Variants in PEX7 observed in about 807,000 individuals in gnomAD.
PEX7 encodes peroxisomal biogenesis factor 7, also known as PTS2 receptor.
In PEX7, 34 loss-of-function variants were observed where a neutral mutation model predicts 47.5. That is an observed-to-expected ratio of 0.72 (90% CI 0.54 to 0.95). The LOEUF is 0.95. Among genes scored for constraint, PEX7 ranks in the 40% least tolerant of loss-of-function variants. The pLI is 0.00. For missense variants in PEX7, 394 were observed against 400.3 expected (o/e 0.98, Z 0.13); for synonymous variants, 141 against 148.8 (o/e 0.95, Z 0.38).
chr6:136,866,549 CTTA>C, intron 5 of PEX7, 75 bp from the exon 6 acceptor site: 1 of 1,204,064 alleles, frequency 8.3e-7, no homozygotes, highest in Non-Finnish European at 1.2e-6. Context: ...TTTTACTTGA[CTTA>C]TTATTGTGAA....
At chr6:136,881,415 G>A (rs1027903115) in intron 8 of PEX7, among the ~76,000 whole-genome samples, 10 of 152,116 alleles carry the variant, frequency 6.6e-5, no homozygotes, top group African/African-American at 2.4e-4. Flanking sequence ...CTTGGAATTC[G>A]AACACCTTTC....
chr6:136,838,588 T>TA (rs1774437269), intron 3 of PEX7, among the ~76,000 whole-genome samples: 1 of 152,168 alleles, frequency 6.6e-6, no homozygotes, highest in Admixed American at 6.5e-5. Flanking sequence ...GAAATATGAA[T>TA]AAGGACTGAG....
At chr6:136,858,185 A>G (rs900508305) in intron 5 of PEX7, among the ~76,000 whole-genome samples, 23 of 152,172 alleles carry the variant, frequency 1.5e-4, no homozygotes, top group African/African-American at 5.6e-4. Flanking sequence ...TGGATTCCTG[A>G]GCTTGTCAGG....
At position 136,893,202 on chromosome 6, in the gene PEX7, C is replaced by CTTTTTTTTTTTTTTTTTTTTTTTTTTTTT; in HGVS notation, c.804-4933_804-4932insTTTTTTTTTTTTTTTTTTTTTTTTTTTTT. Among the ~76,000 whole-genome samples the CTTTTTTTTTTTTTTTTTTTTTTTTTTTTT allele has an allele frequency of 1.1e-3, 162 of 150,538 alleles. 2 individuals are homozygous for CTTTTTTTTTTTTTTTTTTTTTTTTTTTTT. The highest frequency in any genetic ancestry group is 3.5e-3 in the Middle Eastern group (1 of 288). ...AAAATCCTTCAGTGGCTTTTTTTTT[C>CTTTTTTTTTTTTTTTTTTTTTTTTTTTTT]TTTTTTTAAAGAGAAAATCCCAAAT... On this transcript the variant is annotated intron_variant, in intron 8 of 9. Transcript: ENST00000318471.
intron 3 of PEX7, among the ~76,000 whole-genome samples, chr6:136,844,285 G>C (rs577682277): frequency 1.3e-5 from 2 of 152,068 alleles, no homozygotes; most frequent in Non-Finnish European, 2.9e-5. Context: ...TGGGAGGACC[G>C]CTTGAGCCCA....
chr6:136,900,000 T>A (rs1160240556), intron 9 of PEX7, among the ~76,000 whole-genome samples: 1 of 152,228 alleles, frequency 6.6e-6, no homozygotes, highest in Non-Finnish European at 1.5e-5. Context: ...TAAGTAAATA[T>A]TCATTCAATC....
chr6:136,904,632 C>CTTTT (rs772446747), intron 9 of PEX7, among the ~76,000 whole-genome samples: 1 of 129,606 alleles, frequency 7.7e-6, no homozygotes, highest in Non-Finnish European at 1.7e-5. Flanking sequence ...CCTGCACAAG[C>CTTTT]TTTTTTTTTT....
At chr6:136,829,691 C>CT (rs1159830742) in intron 3 of PEX7, among the ~76,000 whole-genome samples, 1 of 152,152 alleles carries the variant, frequency 6.6e-6, no homozygotes, top group African/African-American at 2.4e-5. Flanking sequence ...AATCCTAACA[C>CT]TTTGGAAGGT....
In PEX7 at chr6:136,913,442, C is replaced by T. The variant is rs1340387604; in HGVS notation, c.904-16C>T. The stretch of plus-strand genomic sequence containing the variant: ...TGTCTAAATACGTTTCTTCTTACTT[C>T]ATTTTTGTTTTCTAGGTGGCTGACT... On this transcript the variant is annotated splice_polypyrimidine_tract_variant and intron_variant, in intron 9 of 9. Transcript: ENST00000318471. 5 of 1,591,632 alleles carry T rather than the reference C, an allele frequency of 3.1e-6. No homozygotes were observed. The highest frequency in any genetic ancestry group is 4.3e-6 in the Non-Finnish European group (5 of 1,160,432).
chr6:136,831,809 T>C (rs749537770), intron 3 of PEX7, among the ~76,000 whole-genome samples: 2 of 152,258 alleles, frequency 1.3e-5, no homozygotes, highest in Non-Finnish European at 2.9e-5. Flanking sequence ...ATATCTCACA[T>C]CCAAGGGGTA....
intron 9 of PEX7, among the ~76,000 whole-genome samples, chr6:136,903,939 C>T (rs779481056): frequency 9.2e-5 from 14 of 151,716 alleles, no homozygotes; most frequent in Non-Finnish European, 1.6e-4. Flanking sequence ...CCCAAAGTAC[C>T]GGGATTACAG....
chr6:136,860,991 T>G (rs1435059803), intron 5 of PEX7, among the ~76,000 whole-genome samples: 2 of 152,342 alleles, frequency 1.3e-5, no homozygotes, highest in East Asian at 3.9e-4. Flanking sequence ...TCATGCAACA[T>G]TATGTCTTGT....
intron 8 of PEX7, among the ~76,000 whole-genome samples, chr6:136,889,110 C>G (rs1775514956): frequency 6.6e-6 from 1 of 152,078 alleles, no homozygotes; most frequent in African/African-American, 2.4e-5. Context: ...GAAGCAATAA[C>G]TCCCAAGTTT....
At chr6:136,886,093 G>T (rs549787027) in intron 8 of PEX7, among the ~76,000 whole-genome samples, 2 of 152,310 alleles carry the variant, frequency 1.3e-5, no homozygotes, top group South Asian at 2.1e-4. Flanking sequence ...CCATTTCAGC[G>T]CTCTAGTCTT....
intron 5 of PEX7, among the ~76,000 whole-genome samples, chr6:136,863,383 AC>A (rs1775000968): frequency 6.6e-6 from 1 of 151,904 alleles, no homozygotes; most frequent in African/African-American, 2.4e-5. Flanking sequence ...GTGGTTTTCA[AC>A]CTTTTTTTAA....
intron 2 of PEX7, 98 bp downstream of exon 2, chr6:136,825,369 T>C: frequency 1.9e-6 from 2 of 1,027,916 alleles, no homozygotes; most frequent in Non-Finnish European, 3.0e-6. Flanking sequence ...ATATACAGTA[T>C]AAAAGGAACC....
At position 136,826,416 on chromosome 6, in the gene PEX7, G is replaced by A. The variant is rs1412257014; in HGVS notation, c.286G>A (p.Asp96Asn). ...CSGDGSLQLW[D>N]TAKAAGPLQV... ...TGGCGATGGCTCGCTGCAGCTCTGG[G>A]ACACTGCCAAAGCTGCAGGGCCACT... Residue 96 changes from aspartate (D) to asparagine (N), a missense_variant, in exon 3 of 10, where the codon GAC becomes AAC. Transcript: ENST00000318471. 2 of 1,613,938 alleles carry A rather than the reference G, an allele frequency of 1.2e-6. No individual in the cohort carries two copies. Among genetic ancestry groups the A allele is most frequent in the African/African-American group, 1.3e-5 (1 of 74,944 alleles).
chr6:136,843,284 G>C (rs1185901213), intron 3 of PEX7, among the ~76,000 whole-genome samples: 1 of 152,124 alleles, frequency 6.6e-6, no homozygotes, highest in African/African-American at 2.4e-5. Context: ...AATACATAAA[G>C]TGCTTATGAA....
At chr6:136,891,453 C>T (rs1021829405) in intron 8 of PEX7, among the ~76,000 whole-genome samples, 7 of 152,112 alleles carry the variant, frequency 4.6e-5, no homozygotes, top group Admixed American at 4.6e-4. Flanking sequence ...AGTAGTTTTT[C>T]ACAATTGATC....
Sources: gnomAD v4.1 joint callset for allele counts (sites outside exome capture counted in the v4.1 genomes callset) on GRCh38, gnomAD v4.1.1 for gene constraint, MANE v1.5 for transcripts, NCBI Gene and HGNC (gene_info 2026-07-23, HGNC 2026-07-21) for gene names.